The following AFG1L variants were observed in gnomAD, a reference collection of about 807,000 sequenced individuals.
AFG1L encodes AFG1-like ATPase.
AFG1L carries 53 observed loss-of-function variants against 62.2 expected under a neutral mutation model. The observed-to-expected ratio is 0.85, with a 90% CI of 0.68 to 1.07. The LOEUF is 1.07. Ranked by LOEUF, AFG1L falls within the 50% of genes least tolerant of loss-of-function variation. The pLI, the probability that AFG1L is intolerant of heterozygous loss-of-function variation, is 0.00. For synonymous variants in AFG1L, 228 were observed against 210.3 expected (o/e 1.08, Z -0.73); for missense variants, 555 against 590.5 (o/e 0.94, Z 0.62).
chr6:108,511,899 A>G (rs1774665256), intron 11 of AFG1L, among the ~76,000 whole-genome samples: 1 of 152,252 alleles, frequency 6.6e-6, no homozygotes, highest in Non-Finnish European at 1.5e-5. Context: ...ATAGCCTGAT[A>G]TCAGAGAAAC....
At chr6:108,488,956 T>C (rs1420554036) in intron 10 of AFG1L, among the ~76,000 whole-genome samples, 2 of 152,178 alleles carry the variant, frequency 1.3e-5, no homozygotes, top group Admixed American at 1.3e-4. Context: ...GTAGCTCCTA[T>C]TTGATCAAAT....
intron 7 of AFG1L, among the ~76,000 whole-genome samples, chr6:108,431,972 C>T (rs1249096341): frequency 1.3e-5 from 2 of 150,262 alleles, no homozygotes; most frequent in African/African-American, 4.9e-5. Context: ...GACAGGGAGA[C>T]CCTACAACTC....
chr6:108,484,306 G>A (rs1773440615), intron 10 of AFG1L, among the ~76,000 whole-genome samples: 1 of 152,144 alleles, frequency 6.6e-6, no homozygotes, highest in South Asian at 2.1e-4. Flanking sequence ...TAGCCAGCCA[G>A]CCTGGCCACA....
At chr6:108,310,144 G>A (rs1251004624) in intron 1 of AFG1L, among the ~76,000 whole-genome samples, 2 of 152,222 alleles carry the variant, frequency 1.3e-5, no homozygotes, top group East Asian at 3.9e-4. Flanking sequence ...CTTTTATAAG[G>A]GTTGCAAACA....
chr6:108,429,979 G>A (rs909236691), intron 7 of AFG1L, among the ~76,000 whole-genome samples: 2 of 151,808 alleles, frequency 1.3e-5, no homozygotes, highest in African/African-American at 2.4e-5. Flanking sequence ...ATGGAGTCTC[G>A]CTGTGTTGCT....
chr6:108,516,731 A>G (rs2114912580), intron 11 of AFG1L, among the ~76,000 whole-genome samples: 1 of 152,328 alleles, frequency 6.6e-6, no homozygotes, highest in African/African-American at 2.4e-5. Flanking sequence ...TGCAGATGAC[A>G]TGATTGTATA....
chr6:108,359,308 A>G (rs1489261966), intron 5 of AFG1L: 1 of 152,266 alleles, frequency 6.6e-6, no homozygotes, highest in Non-Finnish European at 1.5e-5. Context: ...AACAAAAACA[A>G]CTGTCAGAAC....
At chr6:108,404,199 G>A (rs1055757267) in intron 7 of AFG1L, among the ~76,000 whole-genome samples, 5 of 152,116 alleles carry the variant, frequency 3.3e-5, no homozygotes, top group Admixed American at 6.5e-5. Context: ...CTAGCTGAGA[G>A]AAAGGTATAG....
At position 108,522,462 on chromosome 6, in the gene AFG1L, G is replaced by C. The variant is rs1209807392; in HGVS notation, c.*37G>C. On this transcript the variant is annotated 3_prime_UTR_variant, in exon 13 of 13. Coordinates refer to ENST00000368977, the MANE Select transcript of AFG1L (RefSeq NM_145315.5). Reference sequence around the variant, plus strand: ...GCATAAATAAAACTCTAGACAAATGGTTAACGCAGGCAGAACTCCTTATTG... The same window carrying C: ...GCATAAATAAAACTCTAGACAAATGCTTAACGCAGGCAGAACTCCTTATTG... The C allele has an allele frequency of 6.3e-7, 1 of 1,582,484 alleles. No individual in the cohort carries two copies. Among genetic ancestry groups the C allele is most frequent in the Non-Finnish European group, 8.6e-7 (1 of 1,157,660 alleles).
chr6:108,407,262 G>A (rs758136848), intron 7 of AFG1L, among the ~76,000 whole-genome samples: 3 of 152,134 alleles, frequency 2.0e-5, no homozygotes, highest in Non-Finnish European at 4.4e-5. Flanking sequence ...AAAGTTTTAC[G>A]TTTTGTTAAG....
chr6:108,297,896 C>T (rs1776832371), intron 1 of AFG1L, among the ~76,000 whole-genome samples: 1 of 150,760 alleles, frequency 6.6e-6, no homozygotes, highest in Non-Finnish European at 1.5e-5. Context: ...GTGAATGAAC[C>T]TGAGTTCTAG....
Position 108,295,117 on chromosome 6 carries a change from C to CTGGT in AFG1L, c.38_39insTGGT (p.Leu14GlyfsTer68), listed in dbSNP as rs1562457397. ...TGGTCGCTCTTGGTTACCCTGCGCC[C>CTGGT]CTTAGCACAGAGCCCGCTGAGAGGG... On this transcript the variant is annotated frameshift_variant, in exon 1 of 13. Coordinates refer to ENST00000368977, the MANE Select transcript of AFG1L (RefSeq NM_145315.5). LOFTEE classifies it high-confidence loss of function. The CTGGT allele has an allele frequency of 6.2e-7, 1 of 1,611,578 alleles. No individual in the cohort carries two copies. Among genetic ancestry groups the CTGGT allele is most frequent in the Non-Finnish European group, 8.5e-7 (1 of 1,180,000 alleles).
At chr6:108,302,756 C>T (rs563697170) in intron 1 of AFG1L, among the ~76,000 whole-genome samples, 1 of 152,196 alleles carries the variant, frequency 6.6e-6, no homozygotes, top group African/African-American at 2.4e-5. Flanking sequence ...CCAATTGTGC[C>T]CTGTTACAAA....
At chr6:108,312,027 A>G (rs1358399189) in intron 1 of AFG1L, among the ~76,000 whole-genome samples, 1 of 151,914 alleles carries the variant, frequency 6.6e-6, no homozygotes, top group African/African-American at 2.4e-5. Context: ...ATCATGCCCG[A>G]CTAATTTTTG....
intron 7 of AFG1L, among the ~76,000 whole-genome samples, chr6:108,436,313 T>G (rs1771305019): frequency 6.6e-6 from 1 of 152,082 alleles, no homozygotes; most frequent in Non-Finnish European, 1.5e-5. Context: ...GTCAGCTAAT[T>G]TTTGTATTTT....
At chr6:108,347,142 G>A in intron 3 of AFG1L, 103 bp downstream of exon 3, 3 of 975,052 alleles carry the variant, frequency 3.1e-6, no homozygotes, top group Non-Finnish European at 4.9e-6. Flanking sequence ...TACCAGCAAG[G>A]GAATAGGATG....
chr6:108,405,338 C>T (rs1243786097), intron 7 of AFG1L, among the ~76,000 whole-genome samples: 1 of 152,120 alleles, frequency 6.6e-6, no homozygotes, highest in Non-Finnish European at 1.5e-5. Context: ...ATATACATAA[C>T]AAAAATTACT....
chr6:108,443,310 C>T (rs1296264702), intron 7 of AFG1L, among the ~76,000 whole-genome samples: 1 of 152,088 alleles, frequency 6.6e-6, no homozygotes, highest in Non-Finnish European at 1.5e-5. Context: ...ATAGTAGCCT[C>T]CAGGCAATTA....
At chr6:108,340,722 A>G (rs574895857) in intron 2 of AFG1L, among the ~76,000 whole-genome samples, 2 of 152,252 alleles carry the variant, frequency 1.3e-5, no homozygotes, top group East Asian at 3.9e-4. Context: ...CTGAGAAGGT[A>G]GATGGGGTAT....
Sources: gnomAD v4.1 joint callset for allele counts (sites outside exome capture counted in the v4.1 genomes callset) on GRCh38, gnomAD v4.1.1 for gene constraint, MANE v1.5 for transcripts, NCBI Gene and HGNC (gene_info 2026-07-23, HGNC 2026-07-21) for gene names.